Variants in TFCP2L1 observed in about 807,000 individuals in gnomAD.
The protein encoded by TFCP2L1 is transcription factor CP2-like protein 1.
In TFCP2L1, 12 loss-of-function variants were observed where a neutral mutation model predicts 72.2. The ratio of observed to expected loss-of-function variants is 0.17; its 90% CI spans 0.11 to 0.27. The LOEUF (loss-of-function observed/expected upper bound fraction) is 0.27. Among genes scored for constraint, TFCP2L1 ranks in the 10% least tolerant of loss-of-function variants. TFCP2L1 has a pLI of 1.00. For missense variants in TFCP2L1, 488 were observed against 624.6 expected (o/e 0.78, Z 2.33); for synonymous variants, 260 against 251.0 (o/e 1.04, Z -0.34).
intron 6 of TFCP2L1, among the ~76,000 whole-genome samples, chr2:121,243,581 G>A (rs144181885): frequency 1.1e-3 from 175 of 152,266 alleles, no homozygotes; most frequent in African/African-American, 3.4e-3. Context: ...TCACATTACC[G>A]TCTAAGCTCT....
At chr2:121,242,181 C>T (rs1686386763) in intron 7 of TFCP2L1, among the ~76,000 whole-genome samples, 178 bp downstream of exon 7, 1 of 151,942 alleles carries the variant, frequency 6.6e-6, no homozygotes, top group Middle Eastern at 3.4e-3. Context: ...AAATACCTCC[C>T]GGGCCACTGG....
At chr2:121,224,477 A>C (rs951072593) in intron 14 of TFCP2L1, 90 bp from the exon 15 acceptor site, 1 of 1,380,802 alleles carries the variant, frequency 7.2e-7, no homozygotes, top group East Asian at 2.4e-5. Flanking sequence ...CTGTTAGGGT[A>C]TCAGCAAAGA....
intron 2 of TFCP2L1, among the ~76,000 whole-genome samples, chr2:121,267,794 C>T (rs1038541299): frequency 3.9e-5 from 6 of 152,178 alleles, no homozygotes; most frequent in African/African-American, 1.4e-4. Context: ...CAACGCCCAG[C>T]CCTAAAAATC....
Position 121,235,222 on chromosome 2 carries a change from G to C in TFCP2L1, c.1093C>G (p.Arg365Gly). The C allele has an allele frequency of 6.2e-7, 1 of 1,614,134 alleles. No individual in the cohort carries two copies. The highest frequency in any genetic ancestry group is 8.5e-7 in the Non-Finnish European group (1 of 1,180,028). The change falls in exon 11 of 15, where the codon CGG becomes GGG. Residue 365 changes from arginine to glycine, a missense_variant and splice_region_variant. Physicochemically the swap from Arg to Gly is moderately radical, Grantham distance 125 (BLOSUM62 -2). Coordinates refer to ENST00000263707, the MANE Select transcript of TFCP2L1 (RefSeq NM_014553.3). Reference protein sequence around the residue: ...GIRLFNAIKGRNVRPKMTIYV... With the variant: ...GIRLFNAIKGGNVRPKMTIYV... ...CTTCACAGAGAAACCAACACCTACC[G>C]GCCTTTGATGGCGTTGAAGAGCCGG...
chr2:121,235,250 C>T lies in TFCP2L1; in HGVS notation c.1065G>A (p.Gly355=). The change falls in exon 11 of 15, where the codon GGG becomes GGA. Residue 355 remains glycine, a synonymous_variant. Transcript: ENST00000263707. The part of the protein sequence containing the change: ...DLVQICGPAD[G]IRLFNAIKGR... Reference sequence around the variant, plus strand: ...CTTTGATGGCGTTGAAGAGCCGGATCCCATCTGCGGGACCACAGATCTGGA... The same window carrying T: ...CTTTGATGGCGTTGAAGAGCCGGATTCCATCTGCGGGACCACAGATCTGGA... 1 of 1,614,158 alleles carries T rather than the reference C, an allele frequency of 6.2e-7. No homozygotes were observed. The highest frequency in any genetic ancestry group is 8.5e-7 in the Non-Finnish European group (1 of 1,180,024).
intron 10 of TFCP2L1, among the ~76,000 whole-genome samples, chr2:121,236,815 TC>T (rs1024671777): frequency 2.0e-5 from 3 of 151,898 alleles, no homozygotes; most frequent in Admixed American, 2.0e-4. Context: ...CCGGCACTCC[TC>T]CCCCACCTCC....
chr2:121,234,966 G>A (rs796498048), intron 11 of TFCP2L1, among the ~76,000 whole-genome samples: 8 of 152,390 alleles, frequency 5.2e-5, no homozygotes, highest in African/African-American at 1.9e-4. Context: ...CAAGGCTCTC[G>A]TCCAACCAAG....
At chr2:121,248,946 G>T in intron 4 of TFCP2L1, 36 bp downstream of exon 4, 1 of 1,503,892 alleles carries the variant, frequency 6.6e-7, no homozygotes, top group Non-Finnish European at 8.9e-7. Flanking sequence ...TGGGTGCCTC[G>T]AGCCTTGCCT....
chr2:121,250,643 G>A lies in TFCP2L1; in HGVS notation c.215-996C>T, dbSNP rs537504832. Among the ~76,000 whole-genome samples, 146 of 142,148 alleles carry A rather than the reference G, an allele frequency of 1.0e-3. 1 individual carries two copies. Among genetic ancestry groups the A allele is most frequent in the African/African-American group, 3.6e-3 (137 of 37,926 alleles). The allele number at this position is 142,148 out of a possible 152,430, so 93.3% of individuals were successfully genotyped here. On this transcript the variant is annotated intron_variant, in intron 2 of 14. Transcript: ENST00000263707. ...TTTTTTTGAGACGGAGTCTCACTCT[G>A]TTGCCCAGGCTGGAGTGCAGTGGCA...
rs1235685189 is a variant in TFCP2L1 at position 121,223,692 on chromosome 2, T to C, written c.*649A>G. On this transcript the variant is annotated 3_prime_UTR_variant, in exon 15 of 15. Coordinates refer to ENST00000263707, the MANE Select transcript of TFCP2L1 (RefSeq NM_014553.3). ...GCGCCAGTGCAGAGACAGGAGCACA[T>C]CTTTGGGTTCCGCAGCAGCAGATCC... 1 of 154,244 alleles carries C rather than the reference T, an allele frequency of 6.5e-6. No individual in the cohort carries two copies. Among genetic ancestry groups the C allele is most frequent in the Non-Finnish European group, 1.4e-5 (1 of 69,122 alleles). The allele number at this position is 154,244 out of a possible 1,614,324, so 9.6% of individuals were successfully genotyped here.
intron 2 of TFCP2L1, among the ~76,000 whole-genome samples, chr2:121,266,187 T>C (rs914275149): frequency 6.6e-6 from 1 of 151,514 alleles, no homozygotes; most frequent in Non-Finnish European, 1.5e-5. Context: ...AAGTAGTAAT[T>C]CTAACCATAG....
In TFCP2L1 at chr2:121,285,158, G is replaced by C. The variant is rs1687343357; in HGVS notation, c.-49C>G. On this transcript the variant is annotated 5_prime_UTR_variant, in exon 1 of 15. Transcript: ENST00000263707. ...CCGGGGCGCGGCAGCAAGCGCAGACGCGGGGCGCGCCGAGGACCCAGCGGC... is the reference window on the plus strand; with the variant it reads ...CCGGGGCGCGGCAGCAAGCGCAGACCCGGGGCGCGCCGAGGACCCAGCGGC... The C allele has an allele frequency of 7.1e-7, 1 of 1,415,056 alleles. No homozygotes were observed. Among genetic ancestry groups the C allele is most frequent in the Admixed American group, 3.0e-5 (1 of 33,022 alleles). The allele number at this position is 1,415,056 out of a possible 1,614,324, so 87.7% of individuals were successfully genotyped here. A position where few individuals can be genotyped will look rare whatever the true frequency, so the allele number is the denominator to read the frequency against.
intron 7 of TFCP2L1, chr2:121,240,827 C>T (rs1044600718): frequency 7.2e-6 from 6 of 833,086 alleles, no homozygotes; most frequent in East Asian, 1.2e-4. Context: ...CACTCCTTTG[C>T]GGGCCGTGGG....
At chr2:121,264,348 G>A (rs927257264) in intron 2 of TFCP2L1, among the ~76,000 whole-genome samples, 4 of 152,190 alleles carry the variant, frequency 2.6e-5, no homozygotes, top group Non-Finnish European at 5.9e-5. Flanking sequence ...GGTATCTAAG[G>A]ACCCTCTCTG....
chr2:121,234,300 A>G, intron 11 of TFCP2L1, 106 bp from the exon 12 acceptor site: 1 of 1,056,666 alleles, frequency 9.5e-7, no homozygotes. Flanking sequence ...GGGAGGAAGA[A>G]AGACAGCGGT....
At chr2:121,272,292 A>G (rs1320698316) in intron 2 of TFCP2L1, among the ~76,000 whole-genome samples, 2 of 152,128 alleles carry the variant, frequency 1.3e-5, no homozygotes, top group Non-Finnish European at 2.9e-5. Context: ...TGCTTTCCAA[A>G]TTTTCAAGTG....
chr2:121,273,577 C>A (rs186075933), intron 2 of TFCP2L1, among the ~76,000 whole-genome samples: 1 of 152,332 alleles, frequency 6.6e-6, no homozygotes, highest in East Asian at 1.9e-4. Context: ...CATGTCCAAG[C>A]CACAGGTCCT....
At position 121,221,887 on chromosome 2, in the gene TFCP2L1, T is replaced by C. The variant is rs1477793893; in HGVS notation, c.*2454A>G. Reference sequence around the variant, plus strand: ...AAGACTGGCGTCTAGAATATACAAATAGCTCACCCAACTCAATAATAAAAA... The same window carrying C: ...AAGACTGGCGTCTAGAATATACAAACAGCTCACCCAACTCAATAATAAAAA... On this transcript the variant is annotated 3_prime_UTR_variant, in exon 15 of 15. Transcript: ENST00000263707. The C allele has an allele frequency of 6.6e-6, 1 of 151,908 alleles. No homozygotes were observed. Among genetic ancestry groups the C allele is most frequent in the South Asian group, 2.1e-4 (1 of 4,810 alleles). The allele number at this position is 151,908 out of a possible 1,614,324, so 9.4% of individuals were successfully genotyped here.
chr2:121,276,925 T>C (rs1687158902), intron 2 of TFCP2L1, among the ~76,000 whole-genome samples: 1 of 150,762 alleles, frequency 6.6e-6, no homozygotes, highest in African/African-American at 2.5e-5. Flanking sequence ...CCATAGACAT[T>C]TAAAATAGAT....
Sources: gnomAD v4.1 joint callset for allele counts (sites outside exome capture counted in the v4.1 genomes callset) on GRCh38, gnomAD v4.1.1 for gene constraint, MANE v1.5 for transcripts, NCBI Gene and HGNC (gene_info 2026-07-23, HGNC 2026-07-21) for gene names.